The following ANO2 variants were observed in gnomAD, a reference collection of about 807,000 sequenced individuals.
The protein encoded by ANO2 is anoctamin-2.
ANO2 carries 101 observed loss-of-function variants against 124.2 expected under a neutral mutation model. That is an observed-to-expected ratio of 0.81 (90% CI 0.69 to 0.96). The LOEUF (loss-of-function observed/expected upper bound fraction) is 0.96. Among genes scored for constraint, ANO2 ranks in the 40% least tolerant of loss-of-function variants. The pLI, the probability that ANO2 is intolerant of heterozygous loss-of-function variation, is 0.00. For missense variants in ANO2, 1,293 were observed against 1,274.5 expected (o/e 1.01, Z -0.22); for synonymous variants, 486 against 482.5 (o/e 1.01, Z -0.09).
intron 7 of ANO2, among the ~76,000 whole-genome samples, chr12:5,811,033 G>T (rs1252340742): frequency 1.3e-5 from 2 of 152,234 alleles, no homozygotes; most frequent in Admixed American, 6.5e-5. Context: ...AAGCACAGAA[G>T]TTTATGGTCT....
intron 10 of ANO2, among the ~76,000 whole-genome samples, chr12:5,773,667 C>T (rs1157326759): frequency 1.3e-5 from 2 of 152,124 alleles, no homozygotes; most frequent in East Asian, 3.8e-4. Context: ...AAAAAGTAAT[C>T]CTATTTGGTA....
At chr12:5,604,119 C>T (rs1487409905) in intron 19 of ANO2, among the ~76,000 whole-genome samples, 1 of 151,912 alleles carries the variant, frequency 6.6e-6, no homozygotes, top group Non-Finnish European at 1.5e-5. Flanking sequence ...ATATTTGAGA[C>T]ATGCATAAGA....
At chr12:5,946,068 TAAAAC>T, upstream of ANO2, 3 of 1,525,184 alleles carry the variant, frequency 2.0e-6, no homozygotes, top group Non-Finnish European at 1.8e-6. This position sits in a 1 kb window ranked among gnomAD's most constrained non-coding sequence, Gnocchi z 4.1. Flanking sequence ...TGCACAGAAG[TAAAAC>T]AAGTTCATTA....
intron 14 of ANO2, among the ~76,000 whole-genome samples, chr12:5,688,082 C>T (rs1948777783): frequency 6.6e-6 from 1 of 152,140 alleles, no homozygotes; most frequent in African/African-American, 2.4e-5. Flanking sequence ...CTTACAGGTT[C>T]CTAGTTCAGT....
At position 5,638,467 on chromosome 12, in the gene ANO2, C is replaced by A. The variant is rs1946155870; in HGVS notation, c.1621-3120G>T. ...AGCCAGGATGGTCTCGATCTCCTGACCTCACGATCTGCCCACCTCGGCCTC... is the reference window on the plus strand; with the variant it reads ...AGCCAGGATGGTCTCGATCTCCTGAACTCACGATCTGCCCACCTCGGCCTC... On this transcript the variant is annotated intron_variant, in intron 15 of 24. Coordinates refer to ENST00000682330, the MANE Select transcript of ANO2 (RefSeq NM_001364791.2). Among the ~76,000 whole-genome samples, 2 of 76,302 alleles carry A rather than the reference C, an allele frequency of 2.6e-5. 1 individual carries two copies. The highest frequency in any genetic ancestry group is 1.0e-3 in the South Asian group (2 of 1,940). The allele number at this position is 76,302 out of a possible 152,430, so 50.1% of individuals were successfully genotyped here.
chr12:5,622,340 T>C (rs1196385510), intron 16 of ANO2, among the ~76,000 whole-genome samples: 3 of 152,196 alleles, frequency 2.0e-5, no homozygotes, highest in Admixed American at 2.0e-4. Context: ...CTGGCTATTA[T>C]TTATGAGTTT....
At chr12:5,572,738 T>G (rs1942198063) in intron 23 of ANO2, among the ~76,000 whole-genome samples, 1 of 152,180 alleles carries the variant, frequency 6.6e-6, no homozygotes. Flanking sequence ...CAAAGTCACT[T>G]CAGCTTGATC....
chr12:5,659,154 A>G (rs1947322754), intron 14 of ANO2, among the ~76,000 whole-genome samples: 1 of 152,134 alleles, frequency 6.6e-6, no homozygotes. Context: ...CCTCTCACAA[A>G]CAGCACCTAC....
chr12:5,923,114 GCACGCACACACACCCA>G lies in ANO2; in HGVS notation c.23-326_23-311del. On this transcript the variant is annotated intron_variant, in intron 1 of 24. Coordinates refer to ENST00000682330, the MANE Select transcript of ANO2 (RefSeq NM_001364791.2). ...CACACGCACACACATACACACACAT[GCACGCACACACACCCA>G]CATACACACACATGCACACATACAC... Among the ~76,000 whole-genome samples the G allele has an allele frequency of 4.1e-4, 4 of 9,844 alleles. 1 individual carries two copies. The highest frequency in any genetic ancestry group is 1.4e-3 in the Non-Finnish European group (3 of 2,114). The allele number at this position is 9,844 out of a possible 152,430, so 6.5% of individuals were successfully genotyped here. A position where few individuals can be genotyped will look rare whatever the true frequency, so the allele number is the denominator to read the frequency against.
chr12:5,696,887 GA>G (rs1949204391), intron 14 of ANO2, among the ~76,000 whole-genome samples: 1 of 152,182 alleles, frequency 6.6e-6, no homozygotes, highest in Non-Finnish European at 1.5e-5. Context: ...AATTGATGCA[GA>G]AAAAGCATTT....
chr12:5,670,505 T>C (rs920404325), intron 14 of ANO2, among the ~76,000 whole-genome samples: 4 of 152,186 alleles, frequency 2.6e-5, no homozygotes, highest in East Asian at 1.9e-4. Context: ...TTATTTCATG[T>C]TTTTGAAATG....
intron 7 of ANO2, among the ~76,000 whole-genome samples, chr12:5,824,391 A>G (rs1953896207): frequency 6.6e-6 from 1 of 152,142 alleles, no homozygotes; most frequent in Admixed American, 6.5e-5. Flanking sequence ...ACCCTAAACC[A>G]TCTTTGTCAA....
At chr12:5,889,139 C>G (rs1337814020) in intron 3 of ANO2, among the ~76,000 whole-genome samples, 1 of 152,222 alleles carries the variant, frequency 6.6e-6, no homozygotes, top group Non-Finnish European at 1.5e-5. Context: ...CTGGTTGCTC[C>G]AAGTGCGGGG....
intron 1 of ANO2, among the ~76,000 whole-genome samples, chr12:5,940,114 G>T (rs1942835531): frequency 6.6e-6 from 1 of 152,180 alleles, no homozygotes; most frequent in Non-Finnish European, 1.5e-5. Context: ...TGGTGAGCTT[G>T]TGTGACAGTA....
chr12:5,641,076 G>T (rs1193104585), intron 15 of ANO2, among the ~76,000 whole-genome samples: 1 of 152,148 alleles, frequency 6.6e-6, no homozygotes, highest in Non-Finnish European at 1.5e-5. Flanking sequence ...TCTTTGCAGG[G>T]ACACGGATGC....
chr12:5,662,115 C>A (rs147013675), intron 14 of ANO2, among the ~76,000 whole-genome samples: 11 of 152,366 alleles, frequency 7.2e-5, no homozygotes, highest in Non-Finnish European at 1.6e-4. Context: ...ACTGCACTCT[C>A]GCAGTTGTTC....
At chr12:5,605,350 C>G (rs1944168034) in intron 19 of ANO2, among the ~76,000 whole-genome samples, 1 of 152,210 alleles carries the variant, frequency 6.6e-6, no homozygotes, top group South Asian at 2.1e-4. Flanking sequence ...ACATTTATCA[C>G]ATTTACAAAA....
intron 8 of ANO2, among the ~76,000 whole-genome samples, 164 bp from the exon 9 acceptor site, chr12:5,806,257 T>C (rs1953189435): frequency 6.6e-6 from 1 of 152,246 alleles, no homozygotes; most frequent in South Asian, 2.1e-4. Context: ...TATTCCATTT[T>C]CTGAGCCATC....
At chr12:5,760,428 T>C (rs1391889172) in intron 10 of ANO2, among the ~76,000 whole-genome samples, 1 of 152,206 alleles carries the variant, frequency 6.6e-6, no homozygotes, top group Non-Finnish European at 1.5e-5. Context: ...GAACAGTGAA[T>C]AGAATCTTAT....
Sources: gnomAD v4.1 joint callset for allele counts (sites outside exome capture counted in the v4.1 genomes callset) on GRCh38, gnomAD v4.1.1 for gene constraint, Gnocchi (gnomAD v3.1) non-coding constraint, MANE v1.5 for transcripts, NCBI Gene and HGNC (gene_info 2026-07-23, HGNC 2026-07-21) for gene names.